Variants in ZNF736 observed in about 807,000 individuals in gnomAD.
The protein encoded by ZNF736 is KRAB-containing zinc-finger repressor protein.
In ZNF736, 6 loss-of-function variants were observed where a neutral mutation model predicts 11.7. That is an observed-to-expected ratio of 0.51 (90% CI 0.28 to 1.01). The LOEUF is 1.01. ZNF736 is among the 50% of genes least tolerant of loss of function. The probability of loss-of-function intolerance (pLI) is 0.09; values close to 1 mark genes in which losing one functional copy is unlikely to be tolerated. For missense variants in ZNF736, 444 were observed against 496.0 expected, an observed-to-expected ratio of 0.90 and a Z score of 1.00; for synonymous variants, 139 against 164.7, an observed-to-expected ratio of 0.84 and a Z score of 1.19.
chr7:64,333,914 C>T lies in ZNF736; in HGVS notation c.4-2345C>T, dbSNP rs551918224. 1.7e-4 allele frequency among the ~76,000 whole-genome samples: 26 copies of T among 152,266 alleles called. No homozygotes were observed. In the South Asian group the frequency reaches 5.4e-3, roughly 32 times the overall value. ...AACTATACTACAAGGCTACAGTAAC[C>T]AAAACAGCATGGTACTGGTACCAAA... On this transcript the variant is annotated intron_variant, in intron 1 of 3. Transcript: ENST00000423484.
chr7:64,332,163 T>C (rs2115915065), intron 1 of ZNF736, among the ~76,000 whole-genome samples: 1 of 147,878 alleles, frequency 6.8e-6, no homozygotes, highest in East Asian at 2.4e-4. Context: ...TGTCCAACTT[T>C]TTCTTCTGAA....
At chr7:64,343,753 C>G (rs641215) in intron 3 of ZNF736, among the ~76,000 whole-genome samples, 149,301 of 152,274 alleles carry the variant, frequency 0.98, 73,256 homozygotes, top group Non-Finnish European at 1. Context: ...TTTACAGTAG[C>G]CTATGTCACA....
intron 1 of ZNF736, among the ~76,000 whole-genome samples, chr7:64,334,677 C>T (rs1181558880): frequency 6.6e-6 from 1 of 152,198 alleles, no homozygotes; most frequent in Non-Finnish European, 1.5e-5. Context: ...AATGCTTTTA[C>T]ACTGTTGGTG....
At chr7:64,326,694 C>G (rs547820307) in intron 1 of ZNF736, among the ~76,000 whole-genome samples, 1 of 151,870 alleles carries the variant, frequency 6.6e-6, no homozygotes, top group East Asian at 1.9e-4. Context: ...GCACTTACTG[C>G]TATAAACCTT....
chr7:64,333,668 A>AAC (rs201738247), intron 1 of ZNF736, among the ~76,000 whole-genome samples: 2 of 151,594 alleles, frequency 1.3e-5, no homozygotes, highest in Non-Finnish European at 2.9e-5. Flanking sequence ...GAAAAAAAAA[A>AAC]TCCGTGCTCA....
Position 64,354,703 on chromosome 7 carries a change from T to C in ZNF736, c.*5556T>C, listed in dbSNP as rs1789532067. 1.3e-5 allele frequency: 2 copies of C among 152,204 alleles called. No individual in the cohort carries two copies. The highest frequency in any genetic ancestry group is 4.1e-4 in the South Asian group (2 of 4,832). 9.4% of individuals were successfully genotyped at this position (152,204 alleles called of 1,614,324 possible). The stretch of plus-strand genomic sequence containing the variant: ...CACAAAATAATTTTCACGTGAGTAA[T>C]TTCACAGTGCGTGTATTGTATGTTA... On this transcript the variant is annotated 3_prime_UTR_variant, in exon 4 of 4. Coordinates refer to ENST00000423484, the MANE Select transcript of ZNF736 (RefSeq NM_001170905.3).
intron 1 of ZNF736, among the ~76,000 whole-genome samples, chr7:64,333,009 T>C (rs1222160215): frequency 2.0e-5 from 3 of 152,208 alleles, no homozygotes; most frequent in African/African-American, 7.2e-5. Flanking sequence ...AACACAATTA[T>C]TACAGTGGTC....
intron 3 of ZNF736, among the ~76,000 whole-genome samples, chr7:64,347,709 G>A (rs1207708849): frequency 2.0e-5 from 3 of 152,268 alleles, no homozygotes; most frequent in Middle Eastern, 3.4e-3. Flanking sequence ...TCTTTGGTAA[G>A]GTCTCAATAA....
At position 64,348,889 on chromosome 7, in the gene ZNF736, C is replaced by T. The variant is rs879223781; in HGVS notation, c.1026C>T (p.Ile342=). ...KRIHTGEKPY[I]CEECGKAFTR... is the part of the protein sequence containing the mutation. ...TTCATACTGGAGAGAAACCCTACAT[C>T]TGTGAAGAATGTGGCAAAGCCTTTA... The change falls in exon 4 of 4, where the codon ATC becomes ATT. Residue 342 remains isoleucine, a synonymous_variant. Transcript: ENST00000423484. The T allele has an allele frequency of 6.2e-7, 1 of 1,601,794 alleles. No homozygotes were observed. The highest frequency in any genetic ancestry group is 1.1e-5 in the South Asian group (1 of 89,848).
intron 3 of ZNF736, 60 bp from the exon 4 acceptor site, chr7:64,348,030 A>G (rs1032127191): frequency 3.2e-6 from 4 of 1,264,432 alleles, no homozygotes; most frequent in Middle Eastern, 1.9e-4. Flanking sequence ...GTATAATTAT[A>G]TATTTGTGAA....
At chr7:64,328,722 A>G (rs1293041436) in intron 1 of ZNF736, among the ~76,000 whole-genome samples, 1 of 152,144 alleles carries the variant, frequency 6.6e-6, no homozygotes, top group African/African-American at 2.4e-5. Context: ...AGATTGTGCC[A>G]CTGCACTCCA....
chr7:64,314,067 C>G lies in ZNF736; in HGVS notation c.-84C>G. On this transcript the variant is annotated 5_prime_UTR_variant, in exon 1 of 4. Coordinates refer to ENST00000423484, the MANE Select transcript of ZNF736 (RefSeq NM_001170905.3). ...CTCCGTTCCTGGAGTTCCTCGGTGA[C>G]TCTACTATAGCTTCTGTTATCCTGT... 1 of 1,538,520 alleles carries G rather than the reference C, an allele frequency of 6.5e-7. No individual in the cohort carries two copies. The highest frequency in any genetic ancestry group is 8.8e-7 in the Non-Finnish European group (1 of 1,135,526).
rs1379878037 is a variant in ZNF736 at position 64,336,278 on chromosome 7, A to T, written c.23A>T (p.Asp8Val). 2.5e-6 allele frequency: 4 copies of T among 1,612,594 alleles called. No homozygotes were observed. Among genetic ancestry groups the T allele is most frequent in the African/African-American group, 2.7e-5 (2 of 74,878 alleles). MGVLTFR[D>V]VAVEFSPEEW... ...TTCCAGGGAGTGTTGACATTCAGGG[A>T]TGTGGCTGTAGAATTCTCCCCAGAA... is the stretch of plus-strand genomic sequence containing the variant. Residue 8 changes from aspartate (D) to valine (V), a missense_variant, in exon 2 of 4, where the codon GAT (aspartate) becomes GTT (valine). By Grantham distance (152) the Asp-to-Val change is radical (BLOSUM62 -3). Transcript: ENST00000423484.
At chr7:64,338,148 A>G (rs1254952399) in intron 3 of ZNF736, among the ~76,000 whole-genome samples, 3 of 152,312 alleles carry the variant, frequency 2.0e-5, no homozygotes, top group Admixed American at 2.0e-4. Flanking sequence ...TGATTGTGTC[A>G]TTCATATGTA....
intron 1 of ZNF736, among the ~76,000 whole-genome samples, chr7:64,333,998 C>A (rs1240920765): frequency 6.6e-6 from 1 of 152,124 alleles, no homozygotes; most frequent in Non-Finnish European, 1.5e-5. Flanking sequence ...CACACATATA[C>A]AACCATCTTA....
At chr7:64,344,364 T>C (rs1399089662) in intron 3 of ZNF736, among the ~76,000 whole-genome samples, 1 of 152,238 alleles carries the variant, frequency 6.6e-6, no homozygotes, top group Non-Finnish European at 1.5e-5. Flanking sequence ...TCAGCTTTGT[T>C]AAGTATATTG....
At chr7:64,336,596 A>G (rs1441250318) in intron 2 of ZNF736, among the ~76,000 whole-genome samples, 1 of 152,190 alleles carries the variant, frequency 6.6e-6, no homozygotes, top group African/African-American at 2.4e-5. Flanking sequence ...TGTATACTTC[A>G]GTCTAAATTA....
At position 64,314,055 on chromosome 7, in the gene ZNF736, G is replaced by T; in HGVS notation, c.-96G>T. 6.6e-7 allele frequency: 1 copy of T among 1,515,902 alleles called. No individual in the cohort carries two copies. Among genetic ancestry groups the T allele is most frequent in the Middle Eastern group, 1.8e-4 (1 of 5,628 alleles). The allele number at this position is 1,515,902 out of a possible 1,614,324, so 93.9% of individuals were successfully genotyped here. Reference sequence around the variant, plus strand: ...CTGTTCCATCTCCTCCGTTCCTGGAGTTCCTCGGTGACTCTACTATAGCTT... The same window carrying T: ...CTGTTCCATCTCCTCCGTTCCTGGATTTCCTCGGTGACTCTACTATAGCTT... On this transcript the variant is annotated 5_prime_UTR_variant, in exon 1 of 4. Coordinates refer to ENST00000423484, the MANE Select transcript of ZNF736 (RefSeq NM_001170905.3).
chr7:64,340,247 A>G (rs1225459056), intron 3 of ZNF736, among the ~76,000 whole-genome samples: 1 of 152,166 alleles, frequency 6.6e-6, no homozygotes, highest in Non-Finnish European at 1.5e-5. Context: ...CAGTGCTGAA[A>G]CTGAGTCACT....
Sources: allele counts gnomAD v4.1 joint callset (sites outside exome capture counted in the v4.1 genomes callset), GRCh38; gene constraint gnomAD v4.1.1; transcripts MANE v1.5; gene names NCBI Gene and HGNC (gene_info 2026-07-23, HGNC 2026-07-21).